Variants in UGT1A10 observed in about 807,000 individuals in gnomAD.
UGT1A10 encodes UDP-glucuronosyltransferase 1A10.
Under a neutral mutation model 45.8 loss-of-function variants are expected in UGT1A10, and 49 were observed. The ratio of observed to expected loss-of-function variants is 1.07; its 90% CI spans 0.85 to 1.36. UGT1A10 has a LOEUF of 1.36. Ranked by LOEUF, UGT1A10 falls within the 40% of genes most tolerant of loss-of-function variation. The pLI is 0.00. For missense variants in UGT1A10, 745 were observed against 668.6 expected (o/e 1.11, Z -1.26); for synonymous variants, 284 against 249.7 (o/e 1.14, Z -1.29).
chr2:233,655,072 G>C (rs974066280), intron 1 of UGT1A10, among the ~76,000 whole-genome samples: 1 of 151,822 alleles, frequency 6.6e-6, no homozygotes, highest in African/African-American at 2.4e-5. Flanking sequence ...CTGGGCAACA[G>C]AGCAAGATTC....
At position 233,701,149 on chromosome 2, in the gene UGT1A10, T is replaced by G. The variant is rs530857343; in HGVS notation, c.855+63772T>G. ...GGACATTTAGGTTGGTTCCAAGTCT[T>G]TGCTATTGTGAATAGTGCCGTTATA... On this transcript the variant is annotated intron_variant, in intron 1 of 4. Transcript: ENST00000344644. Among the ~76,000 whole-genome samples the G allele has an allele frequency of 9.2e-5, 14 of 152,334 alleles. No homozygotes were observed. The South Asian group carries it at 2.1e-3, about 23-fold the overall frequency.
chr2:233,647,203 C>T (rs1286417019), intron 1 of UGT1A10, among the ~76,000 whole-genome samples: 1 of 152,228 alleles, frequency 6.6e-6, no homozygotes, highest in African/African-American at 2.4e-5. Flanking sequence ...CAGGTTCCTT[C>T]CATGACACGT....
chr2:233,693,082 T>G, intron 1 of UGT1A10: 1 of 1,614,190 alleles, frequency 6.2e-7, no homozygotes, highest in Non-Finnish European at 8.5e-7. Flanking sequence ...TGGTTGTAGG[T>G]GACAAGCTGC....
chr2:233,755,241 A>T, intron 1 of UGT1A10: 1 of 865,322 alleles, frequency 1.2e-6, no homozygotes. Context: ...CTACCGGGGT[A>T]CTCCCAGCAC....
At chr2:233,661,929 T>C (rs536415918) in intron 1 of UGT1A10, among the ~76,000 whole-genome samples, 1 of 152,210 alleles carries the variant, frequency 6.6e-6, no homozygotes, top group South Asian at 2.1e-4. Context: ...AGATCAGTGT[T>C]TACTGTGATA....
intron 1 of UGT1A10, chr2:233,682,626 T>A (rs1248944936): frequency 6.2e-7 from 1 of 1,613,904 alleles, no homozygotes; most frequent in East Asian, 2.2e-5. Context: ...GTCTTAGAAA[T>A]AGCCTCTGAA....
At chr2:233,695,415 C>T (rs1344704193) in intron 1 of UGT1A10, among the ~76,000 whole-genome samples, 5 of 144,208 alleles carry the variant, frequency 3.5e-5, no homozygotes, top group African/African-American at 7.6e-5. Context: ...TGAGCTACCG[C>T]GCCCGGCCTT....
At chr2:233,683,872 C>T (rs2074654368) in intron 1 of UGT1A10, among the ~76,000 whole-genome samples, 1 of 152,052 alleles carries the variant, frequency 6.6e-6, no homozygotes, top group South Asian at 2.1e-4. Flanking sequence ...GCAAATTATT[C>T]CCTCCCCTGG....
chr2:233,728,446 A>G (rs1222950362), intron 1 of UGT1A10, among the ~76,000 whole-genome samples: 1 of 152,128 alleles, frequency 6.6e-6, no homozygotes, highest in African/African-American at 2.4e-5. Context: ...TATATGGAGA[A>G]TCCTCAACAA....
At chr2:233,750,789 A>G (rs555312200) in intron 1 of UGT1A10, 1 of 151,930 alleles carries the variant, frequency 6.6e-6, no homozygotes, top group African/African-American at 2.4e-5. Context: ...TACACAGAAG[A>G]TAAGAATTTA....
chr2:233,682,221 A>G (rs2074565601), intron 1 of UGT1A10: 2 of 1,614,082 alleles, frequency 1.2e-6, no homozygotes, highest in Non-Finnish European at 1.7e-6. Context: ...GTTTTTGCCG[A>G]TGCTCGCTGG....
chr2:233,713,333 G>A, intron 1 of UGT1A10: 3 of 1,614,196 alleles, frequency 1.9e-6, no homozygotes, highest in Non-Finnish European at 1.7e-6. Flanking sequence ...CTAGAAGAAT[G>A]GCAATTATGA....
intron 1 of UGT1A10, among the ~76,000 whole-genome samples, chr2:233,653,484 A>G (rs2073786806): frequency 6.6e-6 from 1 of 152,212 alleles, no homozygotes; most frequent in South Asian, 2.1e-4. Flanking sequence ...AGCTTTGATC[A>G]TCTGAAATAC....
intron 1 of UGT1A10, among the ~76,000 whole-genome samples, chr2:233,687,773 G>T (rs976216243): frequency 6.6e-6 from 1 of 152,010 alleles, no homozygotes; most frequent in South Asian, 2.1e-4. Context: ...GGGCCTGGTG[G>T]CATATGCCTG....
chr2:233,643,993 C>T (rs779250131), intron 1 of UGT1A10, among the ~76,000 whole-genome samples: 28 of 152,124 alleles, frequency 1.8e-4, no homozygotes, highest in Admixed American at 6.5e-4. Flanking sequence ...CTTTTGGAGC[C>T]GCAAGCTGTG....
At chr2:233,717,545 A>C (rs796753036) in intron 1 of UGT1A10, among the ~76,000 whole-genome samples, 1 of 152,226 alleles carries the variant, frequency 6.6e-6, no homozygotes, top group South Asian at 2.1e-4. Flanking sequence ...CCTCAGCCTC[A>C]CCAGCAATGG....
At chr2:233,738,071 C>T (rs905760849) in intron 1 of UGT1A10, among the ~76,000 whole-genome samples, 5 of 152,114 alleles carry the variant, frequency 3.3e-5, no homozygotes, top group Non-Finnish European at 7.3e-5. Flanking sequence ...AGGTCCCCAC[C>T]TCCTAATCTC....
At chr2:233,707,076 G>A (rs2075939345) in intron 1 of UGT1A10, among the ~76,000 whole-genome samples, 1 of 152,120 alleles carries the variant, frequency 6.6e-6, no homozygotes, top group African/African-American at 2.4e-5. Context: ...ATCTGCATGT[G>A]CTCCACTTTG....
chr2:233,743,306 T>C (rs1214734501), intron 1 of UGT1A10: 2 of 592,290 alleles, frequency 3.4e-6, no homozygotes, highest in Non-Finnish European at 5.6e-6. Flanking sequence ...ATTCTCTTGG[T>C]GGTGATTTTT....
Sources: allele counts gnomAD v4.1 joint callset (sites outside exome capture counted in the v4.1 genomes callset), GRCh38; gene constraint gnomAD v4.1.1; transcripts MANE v1.5; gene names NCBI Gene and HGNC (gene_info 2026-07-23, HGNC 2026-07-21).